Variants in APTX observed in about 807,000 individuals in gnomAD.
APTX encodes aprataxin.
Under a neutral mutation model 42.3 loss-of-function variants are expected in APTX, and 33 were observed. That is an observed-to-expected ratio of 0.78 (90% CI 0.59 to 1.04). The LOEUF is 1.04. APTX is among the 50% of genes least tolerant of loss of function. The probability of loss-of-function intolerance (pLI) is 0.00; values close to 1 mark genes in which losing one functional copy is unlikely to be tolerated. For synonymous variants in APTX, 130 were observed against 146.7 expected, an observed-to-expected ratio of 0.89 and a Z score of 0.82; for missense variants, 421 against 415.1, an observed-to-expected ratio of 1.01 and a Z score of -0.12.
At chr9:33,004,840 C>T (rs377621732), upstream of APTX, among the ~76,000 whole-genome samples, 2 of 151,400 alleles carry the variant, frequency 1.3e-5, no homozygotes, top group African/African-American at 4.9e-5. Context: ...TGGGGTTTCA[C>T]CATATTGGCC....
In APTX at chr9:33,022,237, T is replaced by C. The variant is rs181880491; in HGVS notation, c.-5+2786A>G. ...ATATCTACCCCTAAAAGGGCTATTATTAAAATAGTGGAATTACACCACAGA... is the reference window on the plus strand; with the variant it reads ...ATATCTACCCCTAAAAGGGCTATTACTAAAATAGTGGAATTACACCACAGA... On this transcript the variant is annotated intron_variant, in intron 1 of 6. Transcript: ENST00000436040. 1.5e-4 allele frequency among the ~76,000 whole-genome samples: 23 copies of C among 152,276 alleles called. No individual in the cohort carries two copies. In the East Asian group the frequency reaches 3.5e-3, roughly 23 times the overall value.
chr9:32,995,227 A>G (rs1834542906), intron 1 of APTX, among the ~76,000 whole-genome samples: 1 of 152,216 alleles, frequency 6.6e-6, no homozygotes, highest in African/African-American at 2.4e-5. Context: ...GATTCTTCTG[A>G]TGGACCTGGA....
At chr9:32,975,810 A>G (rs1829247875) in intron 6 of APTX, among the ~76,000 whole-genome samples, 2 of 152,252 alleles carry the variant, frequency 1.3e-5, no homozygotes, top group South Asian at 2.1e-4. Context: ...TCAACTCTTC[A>G]TGTAGATATT....
At chr9:33,020,003 C>T in intron 1 of APTX, 1 of 409,258 alleles carries the variant, frequency 2.4e-6, no homozygotes, top group Non-Finnish European at 4.5e-6. Flanking sequence ...CTGCTAGGAC[C>T]TGACACGTGC....
chr9:33,001,188 G>C (rs954281653), intron 1 of APTX: 403 of 799,132 alleles, frequency 5.0e-4, no homozygotes, highest in Non-Finnish European at 6.7e-4. Context: ...GCCTGTTGAG[G>C]ATGCTGCTAA....
intron 6 of APTX, among the ~76,000 whole-genome samples, chr9:32,975,153 C>A (rs1829080992): frequency 6.6e-6 from 1 of 151,922 alleles, no homozygotes; most frequent in African/African-American, 2.4e-5. Context: ...GTAATATGGC[C>A]CAAATGTATG....
At chr9:33,010,364 G>A (rs1426251038) in intron 1 of APTX, among the ~76,000 whole-genome samples, 1 of 152,144 alleles carries the variant, frequency 6.6e-6, no homozygotes, top group East Asian at 1.9e-4. Flanking sequence ...ATTCAACTCT[G>A]AGCAACTTCT....
chr9:33,002,881 A>G (rs1325292824), upstream of APTX, among the ~76,000 whole-genome samples: 1 of 152,222 alleles, frequency 6.6e-6, no homozygotes, highest in Non-Finnish European at 1.5e-5. Context: ...AGAGCCTTCA[A>G]GACAGAAGGT....
intron 1 of APTX, among the ~76,000 whole-genome samples, chr9:33,010,369 A>T (rs1837454051): frequency 1.3e-5 from 2 of 152,158 alleles, no homozygotes; most frequent in African/African-American, 4.8e-5. Flanking sequence ...ACTCTGAGCA[A>T]CTTCTACATG....
chr9:32,989,380 G>T (rs1346154105), intron 2 of APTX, among the ~76,000 whole-genome samples: 1 of 152,164 alleles, frequency 6.6e-6, no homozygotes, highest in African/African-American at 2.4e-5. Context: ...TTTGCGTGAA[G>T]CAATATGTAA....
Position 32,987,686 on chromosome 9 carries a change from T to C in APTX, c.341A>G (p.Lys114Arg), listed in dbSNP as rs1171296750. The C allele has an allele frequency of 8.7e-6, 14 of 1,614,096 alleles. No individual in the cohort carries two copies. The highest frequency in any genetic ancestry group is 6.6e-5 in the South Asian group (6 of 91,092). Residue 114 changes from lysine to arginine, a missense_variant, in exon 4 of 8, where the codon AAG (lysine) becomes AGG (arginine). Lys to Arg is a conservative substitution (Grantham distance 26). Transcript: ENST00000379817. ...ATCACTGTTGCCTGATCTCTTTCTC[T>C]TCCTGTGTGTTTCCAGGCCAGGGTT... ...AKNPGLETHR[K>R]RKRSGNSDSI...
chr9:32,989,755 T>C lies in APTX; in HGVS notation c.133+4A>G. 1 of 1,614,232 alleles carries C rather than the reference T, an allele frequency of 6.2e-7. No homozygotes were observed. The highest frequency in any genetic ancestry group is 1.1e-5 in the South Asian group (1 of 91,082). ...GTAATCTCCACATTTCTATGACCAG[T>C]TACCTTGCTGTCGAGAACATTTCTT... On this transcript the variant is annotated splice_donor_region_variant and intron_variant, in intron 2 of 7. Transcript: ENST00000379817.
chr9:32,991,779 GAA>G (rs35551187), intron 1 of APTX, among the ~76,000 whole-genome samples: 53 of 124,098 alleles, frequency 4.3e-4, no homozygotes, highest in Middle Eastern at 4.3e-3. Context: ...TCCATCTCAA[GAA>G]AAAAAAAAAA....
At chr9:32,973,679 C>T in intron 7 of APTX, 27 bp from the exon 8 acceptor site, 2 of 1,608,382 alleles carry the variant, frequency 1.2e-6, no homozygotes, top group Non-Finnish European at 8.5e-7. Flanking sequence ...AAAGTCAAAT[C>T]CCAGCTACTC....
chr9:33,001,502 G>A lies in APTX; in HGVS notation c.-5+65C>T, dbSNP rs556444062. On this transcript the variant is annotated intron_variant, in intron 1 of 7. Transcript: ENST00000379817. ...ATCACTCAAGGGTAGGAGCAGCCTC[G>A]GCCGAACGCTCACCCGCGGCATTGA... 11 of 1,610,596 alleles carry A rather than the reference G, an allele frequency of 6.8e-6. No homozygotes were observed. In the Admixed American group the frequency reaches 1.5e-4, roughly 22 times the overall value.
rs1833183107 is a variant in APTX, at chr9:32,990,005, G to T, written c.-4-110C>A. The T allele has an allele frequency of 2.9e-6, 4 of 1,385,596 alleles. No homozygotes were observed. The East Asian group carries it at 1.0e-4, about 35-fold the overall frequency. 85.8% of individuals were successfully genotyped at this position (1,385,596 alleles called of 1,614,324 possible). On this transcript the variant is annotated intron_variant, in intron 1 of 7. Coordinates refer to ENST00000379817, the MANE Select transcript of APTX (RefSeq NM_001195248.2). ...GTGATCTACCAGCTGTTCATCTTGA[G>T]GCAAGTGACTTCACCACCCTAGTCT...
chr9:33,024,639 T>C (rs779626726), intron 1 of APTX, among the ~76,000 whole-genome samples: 5 of 152,154 alleles, frequency 3.3e-5, no homozygotes, highest in Non-Finnish European at 7.3e-5. Flanking sequence ...GAGCTCAATC[T>C]GCACGAATCA....
chr9:32,978,098 A>G (rs1332190807), intron 6 of APTX, among the ~76,000 whole-genome samples: 2 of 152,212 alleles, frequency 1.3e-5, no homozygotes, highest in African/African-American at 4.8e-5. Context: ...CCAAATGAAG[A>G]TGCAAAGATA....
upstream of APTX, chr9:33,001,737 G>A (rs1010741993): frequency 1.9e-5 from 23 of 1,230,416 alleles, no homozygotes; most frequent in Non-Finnish European, 2.2e-5. Context: ...AAAAGCGTCC[G>A]CCCCAATTGG....
Sources: allele counts gnomAD v4.1 joint callset (sites outside exome capture counted in the v4.1 genomes callset), GRCh38; gene constraint gnomAD v4.1.1; transcripts MANE v1.5; gene names NCBI Gene and HGNC (gene_info 2026-07-23, HGNC 2026-07-21).